Variants in MALRD1 observed in about 807,000 individuals in gnomAD.
MALRD1 encodes MAM and LDL receptor class A domain containing 1, also known as MAM and LDL-receptor class A domain-containing protein 1.
A neutral mutation model predicts 242.1 loss-of-function variants in MALRD1; 247 were observed. The observed-to-expected ratio is 1.02, with a 90% CI of 0.92 to 1.13. The LOEUF (loss-of-function observed/expected upper bound fraction) is 1.13. MALRD1 is among the 50% of genes most tolerant of loss of function. The probability of loss-of-function intolerance (pLI) is 0.00; values close to 1 mark genes in which losing one functional copy is unlikely to be tolerated. For synonymous variants in MALRD1, 995 were observed against 866.6 expected, an observed-to-expected ratio of 1.15 and a Z score of -2.60; for missense variants, 2,989 against 2,533.1, an observed-to-expected ratio of 1.18 and a Z score of -3.86.
chr10:19,342,172 C>T (rs564607909), intron 24 of MALRD1, among the ~76,000 whole-genome samples: 21 of 152,114 alleles, frequency 1.4e-4, no homozygotes, highest in South Asian at 2.1e-4. Flanking sequence ...ATTAGTGCTC[C>T]GCTGTGGTAA....
intron 36 of MALRD1, among the ~76,000 whole-genome samples, chr10:19,656,749 A>G (rs982981884): frequency 1.3e-5 from 2 of 152,124 alleles, no homozygotes; most frequent in African/African-American, 2.4e-5. Context: ...GCAGACAACC[A>G]TTTATTCATT....
intron 18 of MALRD1, among the ~76,000 whole-genome samples, chr10:19,228,748 A>G (rs993459231): frequency 6.6e-6 from 1 of 152,118 alleles, no homozygotes; most frequent in African/African-American, 2.4e-5. Context: ...TCTCTGATGA[A>G]ATCACATGTC....
At chr10:19,123,656 C>A (rs1028126379) in intron 6 of MALRD1, 63 bp downstream of exon 6, 1 of 998,890 alleles carries the variant, frequency 1.0e-6, no homozygotes, top group Non-Finnish European at 1.3e-6. Flanking sequence ...ACTCAGACCA[C>A]TCACAGGAAA....
At chr10:19,251,401 A>T (rs1839286567) in intron 18 of MALRD1, among the ~76,000 whole-genome samples, 1 of 151,988 alleles carries the variant, frequency 6.6e-6, no homozygotes, top group Admixed American at 6.6e-5. Context: ...CAGACATGCC[A>T]GCAGCCTATT....
In MALRD1 at chr10:19,559,789, C is replaced by T. The variant is rs548492621; in HGVS notation, c.5479-7713C>T. Among the ~76,000 whole-genome samples the T allele has an allele frequency of 5.2e-4, 79 of 151,954 alleles. 1 individual carries two copies. Among genetic ancestry groups the T allele is most frequent in the African/African-American group, 1.7e-3 (69 of 41,436 alleles). On this transcript the variant is annotated intron_variant, in intron 32 of 39. Transcript: ENST00000454679. ...TCTACAAGAAAGTTAAACAAATTTA[C>T]AAGAAAAAAGAGAAACAACCCCATC...
At chr10:19,409,963 G>A (rs1206582020) in intron 28 of MALRD1, among the ~76,000 whole-genome samples, 2 of 152,016 alleles carry the variant, frequency 1.3e-5, no homozygotes, top group African/African-American at 4.8e-5. Flanking sequence ...CATATAATAT[G>A]TGGTGATCAT....
intron 28 of MALRD1, among the ~76,000 whole-genome samples, chr10:19,427,026 G>C (rs1285389065): frequency 6.6e-6 from 1 of 152,114 alleles, no homozygotes; most frequent in Admixed American, 6.6e-5. Flanking sequence ...TGACACCTAA[G>C]TCAGTGCACT....
chr10:19,259,200 T>C (rs2131812185), intron 19 of MALRD1, among the ~76,000 whole-genome samples: 1 of 152,266 alleles, frequency 6.6e-6, no homozygotes, highest in African/African-American at 2.4e-5. Flanking sequence ...TAATGATAGC[T>C]TCCAAGGAAT....
intron 25 of MALRD1, among the ~76,000 whole-genome samples, chr10:19,350,156 C>G (rs185557164): frequency 5.3e-5 from 8 of 151,978 alleles, no homozygotes; most frequent in East Asian, 1.9e-4. Context: ...TTGTGGAATA[C>G]CTTTCAAGCA....
chr10:19,152,123 G>A (rs1261691814), intron 11 of MALRD1, among the ~76,000 whole-genome samples: 1 of 152,136 alleles, frequency 6.6e-6, no homozygotes. Flanking sequence ...CCACTCTGGG[G>A]TATGTGGGTG....
intron 18 of MALRD1, among the ~76,000 whole-genome samples, chr10:19,231,302 T>C (rs894953431): frequency 6.6e-6 from 1 of 152,206 alleles, no homozygotes; most frequent in Non-Finnish European, 1.5e-5. Context: ...TTCAGCTTTT[T>C]CCCCACAGTT....
At chr10:19,681,471 T>C (rs564310747) in intron 36 of MALRD1, among the ~76,000 whole-genome samples, 106 of 152,268 alleles carry the variant, frequency 7.0e-4, no homozygotes, top group African/African-American at 2.2e-3. Flanking sequence ...TGCGATTGCA[T>C]TGTGACATTC....
At chr10:19,185,814 A>AGTGTGTGTGTGTGTGT (rs5783657) in intron 14 of MALRD1, among the ~76,000 whole-genome samples, 34 of 148,386 alleles carry the variant, frequency 2.3e-4, no homozygotes, top group South Asian at 1.7e-3. Flanking sequence ...GTTTTGAGAT[A>AGTGTGTGTGTGTGTGT]GTGTGTGTGT....
At chr10:19,226,183 G>T (rs1211657552) in intron 18 of MALRD1, among the ~76,000 whole-genome samples, 4 of 152,024 alleles carry the variant, frequency 2.6e-5, no homozygotes, top group African/African-American at 9.7e-5. Flanking sequence ...ATCTCAAGTT[G>T]GTTTCAACAA....
At chr10:19,525,953 G>A (rs921366350) in intron 31 of MALRD1, among the ~76,000 whole-genome samples, 17 of 152,122 alleles carry the variant, frequency 1.1e-4, no homozygotes, top group Non-Finnish European at 1.9e-4. Context: ...TCTATAAATA[G>A]CTGTTCTGTG....
chr10:19,691,462 C>T (rs572287448), intron 36 of MALRD1, among the ~76,000 whole-genome samples: 24 of 152,180 alleles, frequency 1.6e-4, no homozygotes, highest in Admixed American at 6.5e-4. Context: ...TCAAAAGCTA[C>T]GTTTTCATCC....
intron 28 of MALRD1, among the ~76,000 whole-genome samples, chr10:19,394,084 A>G (rs547075581): frequency 1.3e-5 from 2 of 152,348 alleles, no homozygotes; most frequent in African/African-American, 2.4e-5. Flanking sequence ...TTATGCAGTC[A>G]TGATAGAAAA....
chr10:19,134,549 A>T (rs1833254666), intron 9 of MALRD1, among the ~76,000 whole-genome samples: 1 of 150,276 alleles, frequency 6.7e-6, no homozygotes, highest in African/African-American at 2.4e-5. Flanking sequence ...AAGTTTATTT[A>T]TGCTGGAGTG....
chr10:19,549,311 T>G (rs746124635), intron 32 of MALRD1, among the ~76,000 whole-genome samples: 3 of 152,320 alleles, frequency 2.0e-5, no homozygotes, highest in Non-Finnish European at 2.9e-5. Context: ...AGGATTGACT[T>G]CAGTTTTGAA....
Sources: allele counts gnomAD v4.1 joint callset (sites outside exome capture counted in the v4.1 genomes callset), GRCh38; gene constraint gnomAD v4.1.1; transcripts MANE v1.5; gene names NCBI Gene and HGNC (gene_info 2026-07-23, HGNC 2026-07-21).